FHIT: variants seen among roughly 807,000 people sequenced by gnomAD.
FHIT encodes fragile histidine triad diadenosine triphosphatase, also known as bis(5'-adenosyl)-triphosphatase.
FHIT carries 19 observed loss-of-function variants against 17.9 expected under a neutral mutation model. The ratio of observed to expected loss-of-function variants is 1.06; its 90% CI spans 0.74 to 1.56. FHIT has a LOEUF of 1.56. FHIT is among the 40% of genes most tolerant of loss of function. The probability of loss-of-function intolerance (pLI) is 0.00; values close to 1 mark genes in which losing one functional copy is unlikely to be tolerated. For missense variants in FHIT, 248 were observed against 189.2 expected (o/e 1.31, Z -1.82); for synonymous variants, 81 against 69.7 (o/e 1.16, Z -0.81).
At chr3:61,016,778 T>C (rs1199337098) in intron 3 of FHIT, among the ~76,000 whole-genome samples, 1 of 152,230 alleles carries the variant, frequency 6.6e-6, no homozygotes, top group East Asian at 1.9e-4. Flanking sequence ...TACTTATGTG[T>C]GTGCACAAAC....
At chr3:60,626,920 T>C (rs2039304885) in intron 4 of FHIT, among the ~76,000 whole-genome samples, 1 of 152,118 alleles carries the variant, frequency 6.6e-6, no homozygotes, top group Non-Finnish European at 1.5e-5. Context: ...TAAATGTTTT[T>C]CAAATATTTT....
At chr3:60,232,544 C>T (rs1704551278) in intron 5 of FHIT, among the ~76,000 whole-genome samples, 1 of 152,130 alleles carries the variant, frequency 6.6e-6, no homozygotes, top group African/African-American at 2.4e-5. Flanking sequence ...CCTTAGTTTT[C>T]CCTTCCAACC....
intron 4 of FHIT, among the ~76,000 whole-genome samples, chr3:60,724,688 A>T (rs1577120468): frequency 7.7e-6 from 1 of 129,234 alleles, no homozygotes; most frequent in Non-Finnish European, 1.6e-5. Context: ...ACAGCCTGTC[A>T]CCCAGGCTGG....
At chr3:60,102,905 A>G (rs547145774) in intron 5 of FHIT, among the ~76,000 whole-genome samples, 2 of 152,360 alleles carry the variant, frequency 1.3e-5, no homozygotes, top group South Asian at 2.1e-4. Context: ...GGTGCATTTA[A>G]CCAGTCATAC....
At chr3:60,541,466 A>C (rs988847607) in intron 4 of FHIT, among the ~76,000 whole-genome samples, 1 of 152,108 alleles carries the variant, frequency 6.6e-6, no homozygotes, top group African/African-American at 2.4e-5. Context: ...GCTTTTAGTA[A>C]CACCCCACCA....
At chr3:60,941,975 GTAAA>G (rs1553774644) in intron 3 of FHIT, among the ~76,000 whole-genome samples, 1 of 152,072 alleles carries the variant, frequency 6.6e-6, no homozygotes, top group Non-Finnish European at 1.5e-5. Flanking sequence ...TACCAAAATT[GTAAA>G]TAGTTTCTGT....
chr3:60,802,436 C>G (rs2106669499), intron 4 of FHIT, among the ~76,000 whole-genome samples: 1 of 152,228 alleles, frequency 6.6e-6, no homozygotes, highest in South Asian at 2.1e-4. Flanking sequence ...ATTATTGGCT[C>G]TTATTCGTAA....
intron 8 of FHIT, among the ~76,000 whole-genome samples, chr3:59,921,769 G>C (rs896420729): frequency 5.9e-5 from 9 of 152,224 alleles, no homozygotes; most frequent in Admixed American, 3.9e-4. Flanking sequence ...GGCTCTTGCT[G>C]GTTCATGTTT....
At chr3:59,987,300 C>A (rs1709028328) in intron 7 of FHIT, among the ~76,000 whole-genome samples, 1 of 151,394 alleles carries the variant, frequency 6.6e-6, no homozygotes, top group Admixed American at 6.6e-5. Context: ...CATCATTCAC[C>A]TGGTATAAAT....
chr3:60,892,475 T>C (rs1553760932), intron 3 of FHIT, among the ~76,000 whole-genome samples: 1 of 152,216 alleles, frequency 6.6e-6, no homozygotes, highest in Admixed American at 6.5e-5. Flanking sequence ...CCCTTGTCTT[T>C]TGTAATGTAT....
At chr3:61,149,984 C>T (rs974497196) in intron 2 of FHIT, among the ~76,000 whole-genome samples, 3 of 152,184 alleles carry the variant, frequency 2.0e-5, no homozygotes, top group Admixed American at 6.5e-5. Context: ...AGTGTCACCT[C>T]CAACCCTCTC....
At chr3:59,951,229 A>G (rs1707099664) in intron 7 of FHIT, among the ~76,000 whole-genome samples, 1 of 152,170 alleles carries the variant, frequency 6.6e-6, no homozygotes, top group South Asian at 2.1e-4. Flanking sequence ...TTCCCTTCCT[A>G]GGGACCACCA....
At chr3:60,325,001 C>A (rs1420180638) in intron 5 of FHIT, among the ~76,000 whole-genome samples, 1 of 151,976 alleles carries the variant, frequency 6.6e-6, no homozygotes, top group African/African-American at 2.4e-5. Flanking sequence ...GAAGGTCACA[C>A]AAAGGTGACT....
chr3:60,431,065 A>G (rs1702876070), intron 5 of FHIT, among the ~76,000 whole-genome samples: 1 of 152,018 alleles, frequency 6.6e-6, no homozygotes, highest in South Asian at 2.1e-4. Context: ...TACAAAAATT[A>G]GCCAGCCATT....
intron 4 of FHIT, among the ~76,000 whole-genome samples, chr3:60,569,183 A>G (rs1369759479): frequency 6.6e-6 from 1 of 152,132 alleles, no homozygotes; most frequent in South Asian, 2.1e-4. Flanking sequence ...CATTTCAGGC[A>G]GTATCTTTAA....
chr3:60,377,811 T>C (rs1421791329), intron 5 of FHIT, among the ~76,000 whole-genome samples: 2 of 152,118 alleles, frequency 1.3e-5, no homozygotes, highest in African/African-American at 4.8e-5. Context: ...AATATCCTAG[T>C]GAGAGCCTTT....
intron 4 of FHIT, among the ~76,000 whole-genome samples, chr3:60,791,597 C>T (rs1416955139): frequency 2.0e-5 from 3 of 152,142 alleles, no homozygotes; most frequent in African/African-American, 4.8e-5. Context: ...TTCCAGCTGT[C>T]CAGAAGCTTA....
chr3:60,634,021 A>C (rs2039515042), intron 4 of FHIT, among the ~76,000 whole-genome samples: 1 of 152,184 alleles, frequency 6.6e-6, no homozygotes, highest in African/African-American at 2.4e-5. Context: ...GAGCTGCTGT[A>C]CTGTAAGTAG....
rs1356409976 is a variant in FHIT at position 60,359,328 on chromosome 3, T to TG, written c.103+177531dup. 2.8e-5 allele frequency among the ~76,000 whole-genome samples: 4 copies of TG among 143,088 alleles called. No individual in the cohort carries two copies. In the Admixed American group the frequency reaches 3.0e-4, roughly 11 times the overall value. The allele number at this position is 143,088 out of a possible 152,430, so 93.9% of individuals were successfully genotyped here. On this transcript the variant is annotated intron_variant, in intron 5 of 9. Transcript: ENST00000492590. ...ATGGAGCCTCGCTCTATCGCCAAGCTGGAGTACAGTGGTGTGATCTTGGCT... is the reference window on the plus strand; with the variant it reads ...ATGGAGCCTCGCTCTATCGCCAAGCTGGGAGTACAGTGGTGTGATCTTGGCT...
Sources: gnomAD v4.1 joint callset for allele counts (sites outside exome capture counted in the v4.1 genomes callset) on GRCh38, gnomAD v4.1.1 for gene constraint, MANE v1.5 for transcripts, NCBI Gene and HGNC (gene_info 2026-07-23, HGNC 2026-07-21) for gene names.